Variants in DOCK4 observed in about 807,000 individuals in gnomAD.
DOCK4 encodes the protein dedicator of cytokinesis 4.
DOCK4 carries 97 observed loss-of-function variants against 268.1 expected under a neutral mutation model. That is an observed-to-expected ratio of 0.36 (90% confidence interval 0.31 to 0.43). The LOEUF (loss-of-function observed/expected upper bound fraction) is 0.43, where lower values mean the gene tolerates loss of function less well. Ranked by LOEUF, DOCK4 falls within the 20% of genes least tolerant of loss-of-function variation. The pLI, the probability that DOCK4 is intolerant of heterozygous loss-of-function variation, is 1.00. For missense variants in DOCK4, 2,145 were observed against 2,455.7 expected (o/e 0.87, Z 2.67); for synonymous variants, 954 against 887.2 (o/e 1.08, Z -1.34).
At chr7:111,741,417 C>T (rs927119352) in intron 46 of DOCK4, 123 bp downstream of exon 46, 175 of 1,445,444 alleles carry the variant, frequency 1.2e-4, no homozygotes, top group Non-Finnish European at 1.5e-4. Flanking sequence ...AGCTGCCTCG[C>T]GGGTTAGTTA....
chr7:111,984,686 G>A (rs775407329), intron 6 of DOCK4, among the ~76,000 whole-genome samples: 38 of 152,192 alleles, frequency 2.5e-4, no homozygotes, highest in Non-Finnish European at 4.9e-4. Context: ...GGAGCCTTCA[G>A]CGCCCTTCAA....
At chr7:112,139,825 T>C (rs1248014408) in intron 1 of DOCK4, among the ~76,000 whole-genome samples, 3 of 152,080 alleles carry the variant, frequency 2.0e-5, no homozygotes, top group Non-Finnish European at 4.4e-5. Flanking sequence ...AATTGAGATA[T>C]TAGCATGCCA....
At chr7:111,739,269 C>T in intron 48 of DOCK4, 26 bp from the exon 49 acceptor site, 1 of 1,605,578 alleles carries the variant, frequency 6.2e-7, no homozygotes, top group Non-Finnish European at 8.5e-7. Context: ...GAGAGAGGAT[C>T]ATCAGCATGG....
At chr7:111,844,991 G>A in intron 24 of DOCK4, 94 bp from the exon 25 acceptor site, 1 of 1,481,594 alleles carries the variant, frequency 6.7e-7, no homozygotes, top group South Asian at 1.4e-5. Flanking sequence ...CAGAGAACTT[G>A]AGGCATGGAT....
chr7:111,811,078 T>C (rs1214540331), intron 28 of DOCK4, among the ~76,000 whole-genome samples: 1 of 152,150 alleles, frequency 6.6e-6, no homozygotes, highest in Non-Finnish European at 1.5e-5. Context: ...TGCCAAGTTT[T>C]ATTTTACAAG....
rs766904292 is a variant in DOCK4, at chr7:111,728,453, G to A, written c.5749C>T (p.Arg1917Trp). The change falls in exon 53 of 53, where the codon CGG (arginine) becomes TGG (tryptophan). Residue 1917 changes from arginine (R) to tryptophan (W), a missense_variant. Around this residue, in one of 2 missense-constraint regions of DOCK4, gnomAD observed 547 missense variants for 469.0 expected, o/e 1.17. Coordinates refer to ENST00000428084, the MANE Select transcript of DOCK4 (RefSeq NM_001363540.2). ...AGCGGGACGGGGCGCCGCAGAGTCC[G>A]CTCGTAGACGCTGTACGGGGGCGGA... ...KTPPPYSVYERTLRRPVPLPH... is the reference protein window; with the variant it reads ...KTPPPYSVYEWTLRRPVPLPH... 8 of 1,605,926 alleles carry A rather than the reference G, an allele frequency of 5.0e-6. No individual in the cohort carries two copies. Among genetic ancestry groups the A allele is most frequent in the Non-Finnish European group, 6.8e-6 (8 of 1,175,832 alleles).
intron 1 of DOCK4, among the ~76,000 whole-genome samples, chr7:112,127,050 C>G (rs1813286510): frequency 1.3e-5 from 2 of 151,898 alleles, no homozygotes; most frequent in South Asian, 2.1e-4. Flanking sequence ...CCCAGCCATC[C>G]CATTACTGGG....
At chr7:111,831,265 A>C (rs1486899372) in intron 26 of DOCK4, among the ~76,000 whole-genome samples, 1 of 152,152 alleles carries the variant, frequency 6.6e-6, no homozygotes, top group African/African-American at 2.4e-5. Context: ...CAAAAGGCCT[A>C]GGAGTCACTT....
At chr7:112,041,999 C>T (rs767181541) in intron 1 of DOCK4, among the ~76,000 whole-genome samples, 4 of 152,122 alleles carry the variant, frequency 2.6e-5, no homozygotes, top group South Asian at 2.1e-4. Flanking sequence ...GTGGCACACG[C>T]GTGTAGTCCT....
intron 26 of DOCK4, among the ~76,000 whole-genome samples, chr7:111,832,004 G>C (rs1167271475): frequency 6.6e-6 from 1 of 152,174 alleles, no homozygotes; most frequent in Non-Finnish European, 1.5e-5. Context: ...TAAGGATACA[G>C]CAGTGAGCCA....
intron 1 of DOCK4, among the ~76,000 whole-genome samples, chr7:112,041,223 G>T (rs1322747082): frequency 1.3e-5 from 2 of 152,180 alleles, no homozygotes. Flanking sequence ...CTTTTCAGAA[G>T]AGGTGAGACC....
In DOCK4 at chr7:112,018,179, A is replaced by AAAAAAAAAAAACAAC; in HGVS notation, c.38-14049_38-14048insGTTGTTTTTTTTTTT. Among the ~76,000 whole-genome samples, 46 of 72,630 alleles carry AAAAAAAAAAAACAAC rather than the reference A, an allele frequency of 6.3e-4. 7 individuals are homozygous for AAAAAAAAAAAACAAC. The highest frequency in any genetic ancestry group is 2.2e-3 in the African/African-American group (41 of 18,512). The allele number at this position is 72,630 out of a possible 152,430, so 47.6% of individuals were successfully genotyped here. Reference sequence around the variant, plus strand: ...AAAAAAAAAAAAAAAAAAAAAAAAAAACACAGGCAACCAGTATTCATGTGG... The same window carrying AAAAAAAAAAAACAAC: ...AAAAAAAAAAAAAAAAAAAAAAAAAAAAAAAAAAAAACAACACACAGGCAACCAGTATTCATGTGG... On this transcript the variant is annotated intron_variant, in intron 1 of 52. Coordinates refer to ENST00000428084, the MANE Select transcript of DOCK4 (RefSeq NM_001363540.2).
intron 1 of DOCK4, among the ~76,000 whole-genome samples, chr7:112,099,676 C>T (rs775109540): frequency 1.3e-5 from 2 of 152,136 alleles, no homozygotes; most frequent in Non-Finnish European, 2.9e-5. Flanking sequence ...ACACATCATT[C>T]AGAAAAGCCA....
rs1586311411 is a variant in DOCK4 at position 111,900,546 on chromosome 7, G to A, written c.1318-10C>T. On this transcript the variant is annotated splice_polypyrimidine_tract_variant and intron_variant, in intron 14 of 52. Transcript: ENST00000428084. ...CGAAGGAGATAAAATCCTAACAAAG[G>A]GAAGAACACACAGGTTAAAGAGAGC... is the stretch of plus-strand genomic sequence containing the variant. 3.1e-6 allele frequency: 5 copies of A among 1,607,278 alleles called. No homozygotes were observed. Among genetic ancestry groups the A allele is most frequent in the East Asian group, 2.2e-5 (1 of 44,708 alleles).
intron 1 of DOCK4, among the ~76,000 whole-genome samples, chr7:112,034,951 G>A (rs1266972400): frequency 6.6e-6 from 1 of 152,060 alleles, no homozygotes; most frequent in East Asian, 1.9e-4. Context: ...GAAAGATGGG[G>A]TAACCAGCCA....
intron 11 of DOCK4, 46 bp from the exon 12 acceptor site, chr7:111,935,674 T>A: frequency 6.6e-7 from 1 of 1,513,476 alleles, no homozygotes; most frequent in Non-Finnish European, 9.2e-7. Flanking sequence ...ATGCATGCAG[T>A]CAAGCAGTGA....
rs149291368 is a variant in DOCK4 at position 111,833,966 on chromosome 7, T to C, written c.2835+622A>G. Reference sequence around the variant, plus strand: ...AAAAGTAAATAAGGAAGATGACAGATCATATCATTCCTCCAACTAAGAATA... The same window carrying C: ...AAAAGTAAATAAGGAAGATGACAGACCATATCATTCCTCCAACTAAGAATA... On this transcript the variant is annotated intron_variant, in intron 26 of 52. Transcript: ENST00000428084. Among the ~76,000 whole-genome samples the C allele has an allele frequency of 3.9e-3, 601 of 152,278 alleles. 1 individual carries two copies. The highest frequency in any genetic ancestry group is 5.2e-3 in the Non-Finnish European group (355 of 68,008).
chr7:112,184,513 A>G (rs1429910018), intron 1 of DOCK4, among the ~76,000 whole-genome samples: 1 of 152,084 alleles, frequency 6.6e-6, no homozygotes, highest in African/African-American at 2.4e-5. Context: ...GCAACTTGTC[A>G]TTCATTTTTC....
intron 1 of DOCK4, among the ~76,000 whole-genome samples, chr7:112,156,707 T>G (rs2285731): frequency 6.6e-6 from 1 of 152,186 alleles, no homozygotes; most frequent in Non-Finnish European, 1.5e-5. Context: ...CAGAAGAAAT[T>G]ACTGACATAC....
Sources: gnomAD v4.1 joint callset for allele counts (sites outside exome capture counted in the v4.1 genomes callset) on GRCh38, gnomAD v4.1.1 for gene constraint, gnomAD v4.1.1 regional missense constraint, MANE v1.5 for transcripts, NCBI Gene and HGNC (gene_info 2026-07-23, HGNC 2026-07-21) for gene names.